DOCK2: variants seen among roughly 807,000 people sequenced by gnomAD.
The protein encoded by DOCK2 is dedicator of cytokinesis 2.
In DOCK2, 87 loss-of-function variants were observed where a neutral mutation model predicts 248.9. That is an observed-to-expected ratio of 0.35 (90% confidence interval 0.29 to 0.42). The LOEUF (loss-of-function observed/expected upper bound fraction) is 0.42, where lower values mean the gene tolerates loss of function less well. Ranked by LOEUF, DOCK2 falls within the 10% of genes least tolerant of loss-of-function variation. The pLI is 1.00. For synonymous variants in DOCK2, 805 were observed against 821.6 expected, an observed-to-expected ratio of 0.98 and a Z score of 0.35; for missense variants, 1,747 against 2,300.2, an observed-to-expected ratio of 0.76 and a Z score of 4.92.
intron 27 of DOCK2, among the ~76,000 whole-genome samples, chr5:169,937,741 C>A (rs947780012): frequency 6.6e-6 from 1 of 152,218 alleles, no homozygotes; most frequent in Admixed American, 6.5e-5. Context: ...TAACTGCTCT[C>A]CTGGCTGGCA....
chr5:169,788,821 G>A (rs1457734625), intron 25 of DOCK2, among the ~76,000 whole-genome samples: 1 of 152,164 alleles, frequency 6.6e-6, no homozygotes, highest in Non-Finnish European at 1.5e-5. Context: ...AGCATAATTT[G>A]AAATATGGTA....
At chr5:169,814,348 C>A (rs1767940137) in intron 26 of DOCK2, among the ~76,000 whole-genome samples, 1 of 152,168 alleles carries the variant, frequency 6.6e-6, no homozygotes, top group Non-Finnish European at 1.5e-5. Context: ...CAAACCCTAA[C>A]TGAGGATTGA....
chr5:169,927,136 CA>C (rs1298696737), intron 27 of DOCK2, among the ~76,000 whole-genome samples: 3 of 152,186 alleles, frequency 2.0e-5, no homozygotes, highest in Non-Finnish European at 4.4e-5. Context: ...GCTGGAGGAG[CA>C]AACATTTGCA....
At chr5:170,081,542 C>G (rs1034138526) in intron 50 of DOCK2, 1 of 376,100 alleles carries the variant, frequency 2.7e-6, no homozygotes, top group African/African-American at 2.1e-5. Context: ...CTCACACTGT[C>G]CCCTGCCTTG....
intron 29 of DOCK2, among the ~76,000 whole-genome samples, chr5:169,993,973 A>T (rs991816014): frequency 6.6e-6 from 1 of 152,226 alleles, no homozygotes; most frequent in Admixed American, 6.5e-5. Flanking sequence ...AGAGAAAGTC[A>T]TAGTCAAGGA....
intron 27 of DOCK2, among the ~76,000 whole-genome samples, chr5:169,871,626 T>C (rs1321682597): frequency 1.3e-5 from 2 of 152,222 alleles, no homozygotes; most frequent in Non-Finnish European, 2.9e-5. Context: ...CCAAAGCTTC[T>C]ACACTAAGAT....
At chr5:169,689,220 G>A in intron 8 of DOCK2, 32 bp from the exon 9 acceptor site, 5 of 1,609,792 alleles carry the variant, frequency 3.1e-6, no homozygotes, top group Non-Finnish European at 4.3e-6. Context: ...AGGTCCCTTG[G>A]CAGTAACGGG....
chr5:169,916,430 A>G (rs1235111424), intron 27 of DOCK2, among the ~76,000 whole-genome samples: 2 of 152,192 alleles, frequency 1.3e-5, no homozygotes, highest in Non-Finnish European at 2.9e-5. Context: ...AAACCTTGCC[A>G]TGGGGACAAA....
intron 25 of DOCK2, among the ~76,000 whole-genome samples, chr5:169,769,326 G>T (rs1054368450): frequency 6.6e-6 from 1 of 152,136 alleles, no homozygotes; most frequent in African/African-American, 2.4e-5. Flanking sequence ...AGCCCCAGAG[G>T]GGATGTTGGT....
chr5:170,079,947 T>TCCCC, intron 49 of DOCK2: 4 of 611,140 alleles, frequency 6.5e-6, no homozygotes, highest in South Asian at 2.8e-5. Context: ...TAAATGAATG[T>TCCCC]CCGCCACCCC....
intron 25 of DOCK2, among the ~76,000 whole-genome samples, chr5:169,782,026 C>T (rs1765742309): frequency 6.6e-6 from 1 of 152,136 alleles, no homozygotes; most frequent in Admixed American, 6.5e-5. Context: ...CAATTACAAT[C>T]CAGGTAACAG....
chr5:169,714,550 A>G, intron 19 of DOCK2, 93 bp downstream of exon 19: 1 of 1,369,704 alleles, frequency 7.3e-7, no homozygotes, highest in Non-Finnish European at 1.0e-6. Flanking sequence ...ATTGAAGGAC[A>G]TGGGGAAACT....
At chr5:169,973,817 A>G (rs17670746) in intron 27 of DOCK2, among the ~76,000 whole-genome samples, 18,931 of 152,162 alleles carry the variant, frequency 0.12, 1,574 homozygotes, top group East Asian at 0.22. Flanking sequence ...CAATTGGTCT[A>G]TCTGTGTATA....
At chr5:169,841,320 A>G (rs1769959253) in intron 27 of DOCK2, 1 of 990,918 alleles carries the variant, frequency 1.0e-6, no homozygotes. Context: ...ATATTGAGCT[A>G]TTCTTCTGCA....
At chr5:170,079,420 T>C in intron 49 of DOCK2, 1 of 369,448 alleles carries the variant, frequency 2.7e-6, no homozygotes, top group Non-Finnish European at 5.1e-6. Context: ...ACACAGGGCT[T>C]TTCCAGGCTG....
Position 169,714,217 on chromosome 5 carries a change from C to T in DOCK2, c.1843+6C>T, listed in dbSNP as rs374362264. 521 of 1,604,006 alleles carry T rather than the reference C, an allele frequency of 3.2e-4. No homozygotes were observed. Among genetic ancestry groups the T allele is most frequent in the African/African-American group, 4.4e-4 (33 of 74,872 alleles). ...CACAAAGCTCACTCAGAATGGTAAT[C>T]GGGTCATCAAGAGTTGTGTCTGTGG... On this transcript the variant is annotated splice_donor_region_variant and intron_variant, in intron 18 of 51. Coordinates refer to ENST00000520908, the MANE Select transcript of DOCK2 (RefSeq NM_004946.3).
intron 25 of DOCK2, among the ~76,000 whole-genome samples, chr5:169,790,699 TC>T (rs1262635768): frequency 6.6e-6 from 1 of 152,234 alleles, no homozygotes; most frequent in East Asian, 1.9e-4. Context: ...TAGCATTGGA[TC>T]CCAATGCCTC....
chr5:169,828,635 G>A (rs566255680), intron 26 of DOCK2, among the ~76,000 whole-genome samples: 1 of 152,140 alleles, frequency 6.6e-6, no homozygotes, highest in Admixed American at 6.5e-5. Context: ...GTATTTTTTG[G>A]TTTCTCCCAT....
At chr5:169,988,508 TTTTA>T (rs773668278) in intron 29 of DOCK2, among the ~76,000 whole-genome samples, 5 of 151,990 alleles carry the variant, frequency 3.3e-5, no homozygotes, top group African/African-American at 1.2e-4. Flanking sequence ...ATTATTATTG[TTTTA>T]TTTATTTATT....
Sources: allele counts gnomAD v4.1 joint callset (sites outside exome capture counted in the v4.1 genomes callset), GRCh38; gene constraint gnomAD v4.1.1; transcripts MANE v1.5; gene names NCBI Gene and HGNC (gene_info 2026-07-23, HGNC 2026-07-21).